Variants in METTL24 observed in about 807,000 individuals in gnomAD.
METTL24 encodes the protein probable methyltransferase-like protein 24.
Under a neutral mutation model 32.7 loss-of-function variants are expected in METTL24, and 29 were observed. The observed-to-expected ratio is 0.89, with a 90% CI of 0.66 to 1.21. The LOEUF is 1.21. Ranked by LOEUF, METTL24 falls within the 50% of genes most tolerant of loss-of-function variation. The pLI is 0.00. For missense variants in METTL24, 439 were observed against 468.1 expected (o/e 0.94, Z 0.57); for synonymous variants, 163 against 179.5 (o/e 0.91, Z 0.73).
chr6:110,340,435 T>A (rs569131465), intron 1 of METTL24, among the ~76,000 whole-genome samples: 4 of 152,188 alleles, frequency 2.6e-5, no homozygotes, highest in African/African-American at 9.6e-5. Context: ...ATCACAACCA[T>A]CCCTGGCCAT....
intron 1 of METTL24, among the ~76,000 whole-genome samples, chr6:110,350,472 T>A (rs1772572700): frequency 6.6e-6 from 1 of 152,076 alleles, no homozygotes. Flanking sequence ...GCTGTGAATA[T>A]TCAGATGCCC....
chr6:110,356,991 G>GT (rs1330100289), intron 1 of METTL24, among the ~76,000 whole-genome samples: 1 of 152,162 alleles, frequency 6.6e-6, no homozygotes, highest in African/African-American at 2.4e-5. Flanking sequence ...CAAAGGAAGA[G>GT]TTGTTCCCTC....
chr6:110,354,299 G>A (rs574147361), intron 1 of METTL24, among the ~76,000 whole-genome samples: 3 of 152,326 alleles, frequency 2.0e-5, no homozygotes, highest in Admixed American at 2.0e-4. Flanking sequence ...TTTTATAGCA[G>A]ATTGTTTTCT....
intron 4 of METTL24, among the ~76,000 whole-genome samples, chr6:110,276,733 G>A (rs1771054059): frequency 6.6e-6 from 1 of 152,098 alleles, no homozygotes; most frequent in Non-Finnish European, 1.5e-5. Context: ...CTTCTGCAGG[G>A]ATTTCCCAGT....
chr6:110,250,653 C>T (rs938476912), intron 4 of METTL24, among the ~76,000 whole-genome samples: 1 of 148,882 alleles, frequency 6.7e-6, no homozygotes, highest in Admixed American at 6.6e-5. Context: ...TCCAGAGATC[C>T]AAGGGCCAGC....
chr6:110,253,709 C>T (rs1001147995), intron 4 of METTL24, among the ~76,000 whole-genome samples: 8 of 152,178 alleles, frequency 5.3e-5, no homozygotes, highest in Non-Finnish European at 1.2e-4. Flanking sequence ...TAAACACACA[C>T]GTACACATGC....
intron 4 of METTL24, among the ~76,000 whole-genome samples, chr6:110,254,925 A>C (rs886692712): frequency 1.3e-5 from 2 of 152,248 alleles, no homozygotes; most frequent in Non-Finnish European, 2.9e-5. Flanking sequence ...TTGTTGTAGA[A>C]AAATAGAATA....
chr6:110,351,552 GA>G (rs1168293661), intron 1 of METTL24, among the ~76,000 whole-genome samples: 1 of 152,178 alleles, frequency 6.6e-6, no homozygotes, highest in Admixed American at 6.5e-5. Flanking sequence ...AGGGTTGGTT[GA>G]AATAATAGAA....
chr6:110,344,684 G>A (rs1338588825), intron 1 of METTL24, among the ~76,000 whole-genome samples: 1 of 152,080 alleles, frequency 6.6e-6, no homozygotes, highest in Non-Finnish European at 1.5e-5. Context: ...AATGGGGAAA[G>A]GATTCTCTAT....
At chr6:110,293,245 G>T (rs1410022810) in intron 4 of METTL24, among the ~76,000 whole-genome samples, 1 of 152,002 alleles carries the variant, frequency 6.6e-6, no homozygotes, top group Non-Finnish European at 1.5e-5. Context: ...CTTTGAATTC[G>T]TTCAAGTTTT....
chr6:110,252,326 C>T (rs1349603937), intron 4 of METTL24, among the ~76,000 whole-genome samples: 1 of 152,210 alleles, frequency 6.6e-6, no homozygotes, highest in Non-Finnish European at 1.5e-5. Context: ...CCTAAGTCCT[C>T]CCGACTTGGC....
intron 1 of METTL24, among the ~76,000 whole-genome samples, chr6:110,356,539 T>C (rs1043412296): frequency 4.6e-5 from 7 of 152,218 alleles, no homozygotes; most frequent in African/African-American, 1.7e-4. Flanking sequence ...GAGCAGCCTT[T>C]CTTGACTCCC....
At chr6:110,255,624 T>C (rs1778368695) in intron 4 of METTL24, among the ~76,000 whole-genome samples, 1 of 152,164 alleles carries the variant, frequency 6.6e-6, no homozygotes, top group South Asian at 2.1e-4. Flanking sequence ...CCTGGGCAGC[T>C]GAAAACAAAT....
At chr6:110,262,606 T>C (rs1192585798) in intron 4 of METTL24, among the ~76,000 whole-genome samples, 1 of 152,226 alleles carries the variant, frequency 6.6e-6, no homozygotes, top group Non-Finnish European at 1.5e-5. Context: ...GAATCCTCCC[T>C]AACTCATTTT....
At chr6:110,322,662 C>G in intron 2 of METTL24, 112 bp downstream of exon 2, 1 of 766,590 alleles carries the variant, frequency 1.3e-6, no homozygotes, top group South Asian at 1.8e-5. Flanking sequence ...ACACACTTCC[C>G]CATCAAGTCC....
intron 4 of METTL24, among the ~76,000 whole-genome samples, chr6:110,277,917 G>C (rs1182529099): frequency 1.3e-5 from 2 of 152,132 alleles, no homozygotes; most frequent in Non-Finnish European, 2.9e-5. Flanking sequence ...ATAACGGAAT[G>C]TGTAAGAAGC....
chr6:110,334,390 C>T (rs1772171124), intron 1 of METTL24, among the ~76,000 whole-genome samples: 1 of 152,118 alleles, frequency 6.6e-6, no homozygotes, highest in African/African-American at 2.4e-5. Context: ...CAGAGAGCAC[C>T]CAAAACACAG....
At chr6:110,321,767 A>G (rs976658703) in intron 2 of METTL24, among the ~76,000 whole-genome samples, 16 of 152,228 alleles carry the variant, frequency 1.1e-4, no homozygotes, top group Non-Finnish European at 1.8e-4. Context: ...TCACTGCATT[A>G]TATGATAAAT....
intron 1 of METTL24, among the ~76,000 whole-genome samples, chr6:110,331,358 A>AG (rs898721745): frequency 6.7e-6 from 1 of 148,502 alleles, no homozygotes; most frequent in African/African-American, 2.6e-5. Context: ...AGGAAAAAAA[A>AG]AAATTAAAGA....
Sources: allele counts gnomAD v4.1 joint callset (sites outside exome capture counted in the v4.1 genomes callset), GRCh38; gene constraint gnomAD v4.1.1; transcripts MANE v1.5; gene names NCBI Gene and HGNC (gene_info 2026-07-23, HGNC 2026-07-21).